The following SEC22A variants were observed in gnomAD, a reference collection of about 807,000 sequenced individuals.
SEC22A encodes SEC22 homolog A, vesicle trafficking protein.
A neutral mutation model predicts 35.3 loss-of-function variants in SEC22A; 22 were observed. That is an observed-to-expected ratio of 0.62 (90% CI 0.45 to 0.89). SEC22A has a LOEUF of 0.89. SEC22A is among the 40% of genes least tolerant of loss of function. The pLI is 0.00. For missense variants in SEC22A, 354 were observed against 362.5 expected, an observed-to-expected ratio of 0.98 and a Z score of 0.19; for synonymous variants, 119 against 129.5, an observed-to-expected ratio of 0.92 and a Z score of 0.55.
intron 6 of SEC22A, among the ~76,000 whole-genome samples, chr3:123,263,676 G>A (rs1306767256): frequency 6.6e-6 from 1 of 151,954 alleles, no homozygotes; most frequent in East Asian, 1.9e-4. Context: ...ACCATGCCTG[G>A]CTAATTTTTG....
chr3:123,226,926 A>G (rs1360937746), intron 4 of SEC22A, among the ~76,000 whole-genome samples: 1 of 152,174 alleles, frequency 6.6e-6, no homozygotes, highest in Non-Finnish European at 1.5e-5. Context: ...CTTTGTAAAC[A>G]TTTTTCTAGA....
intron 6 of SEC22A, among the ~76,000 whole-genome samples, chr3:123,270,006 C>T (rs1938123372): frequency 6.6e-6 from 1 of 152,008 alleles, no homozygotes; most frequent in African/African-American, 2.4e-5. Flanking sequence ...AATACAGAAT[C>T]CCAGATTAGA....
intron 6 of SEC22A, among the ~76,000 whole-genome samples, chr3:123,261,919 A>G (rs977706323): frequency 1.3e-5 from 2 of 152,186 alleles, no homozygotes; most frequent in Non-Finnish European, 2.9e-5. Context: ...TTCGTGGTAG[A>G]GTGGTGTCAC....
intron 4 of SEC22A, among the ~76,000 whole-genome samples, chr3:123,229,826 T>C (rs1937283728): frequency 6.6e-6 from 1 of 151,592 alleles, no homozygotes; most frequent in South Asian, 2.1e-4. Context: ...CGCGCCACTG[T>C]GCTCCAGCCT....
intron 6 of SEC22A, among the ~76,000 whole-genome samples, chr3:123,264,323 A>T (rs1487291822): frequency 1.3e-5 from 2 of 152,248 alleles, no homozygotes; most frequent in Non-Finnish European, 2.9e-5. Flanking sequence ...GTTCTTTGGG[A>T]TAAATGCCTA....
chr3:123,207,611 A>G (rs1279707811), intron 1 of SEC22A, among the ~76,000 whole-genome samples: 7 of 152,222 alleles, frequency 4.6e-5, no homozygotes, highest in Non-Finnish European at 1.0e-4. Flanking sequence ...GCCTTAGACA[A>G]TAAGCAAATT....
Position 123,259,529 on chromosome 3 carries a change from T to C in SEC22A, c.663T>C (p.Asp221=). The part of the protein sequence containing the change: ...FHAIESLLQS[D]GDDFNYIIAF... ...CTTTTATTTTGCTTTTGCAGAGTGA[T>C]GGTGATGATTTTAATTACATCATTG... Residue 221 remains aspartate, a synonymous_variant, in exon 6 of 7, where the codon GAT becomes GAC. Coordinates refer to ENST00000492595, the MANE Select transcript of SEC22A (RefSeq NM_012430.5). 6.2e-7 allele frequency: 1 copy of C among 1,612,080 alleles called. No homozygotes were observed. Among genetic ancestry groups the C allele is most frequent in the Non-Finnish European group, 8.5e-7 (1 of 1,178,480 alleles).
intron 4 of SEC22A, among the ~76,000 whole-genome samples, chr3:123,225,906 T>G (rs1156899663): frequency 6.6e-6 from 1 of 151,624 alleles, no homozygotes; most frequent in Non-Finnish European, 1.5e-5. Flanking sequence ...TGAGTTCAGT[T>G]GTTTTAAACT....
At chr3:123,236,770 C>T (rs149536133) in intron 4 of SEC22A, among the ~76,000 whole-genome samples, 2 of 152,000 alleles carry the variant, frequency 1.3e-5, no homozygotes, top group African/African-American at 4.8e-5. Context: ...TAATTAAGCA[C>T]CTTAAGAGAC....
At chr3:123,251,186 G>A (rs1937609682) in intron 5 of SEC22A, among the ~76,000 whole-genome samples, 1 of 152,166 alleles carries the variant, frequency 6.6e-6, no homozygotes, top group Admixed American at 6.5e-5. Context: ...GAAACTTAAA[G>A]AGATTTTTTT....
chr3:123,208,047 G>T (rs1936878944), intron 1 of SEC22A, among the ~76,000 whole-genome samples: 1 of 151,976 alleles, frequency 6.6e-6, no homozygotes, highest in Non-Finnish European at 1.5e-5. Context: ...TTCTTAATTT[G>T]GCATCTTTTT....
intron 3 of SEC22A, 112 bp from the exon 4 acceptor site, chr3:123,224,991 G>A: frequency 1.5e-6 from 1 of 687,698 alleles, no homozygotes. Context: ...ATGACGAATT[G>A]AACAATTTTG....
At chr3:123,253,576 G>A (rs904100411) in intron 5 of SEC22A, among the ~76,000 whole-genome samples, 67 of 152,148 alleles carry the variant, frequency 4.4e-4, no homozygotes, top group African/African-American at 1.5e-3. Flanking sequence ...ACTGAGCGCG[G>A]TGGCAGGTGC....
intron 4 of SEC22A, among the ~76,000 whole-genome samples, chr3:123,228,917 A>G (rs1020115878): frequency 2.0e-5 from 3 of 152,234 alleles, no homozygotes; most frequent in African/African-American, 7.2e-5. Flanking sequence ...CAGAAGAGTT[A>G]GCAATTTGAA....
intron 3 of SEC22A, among the ~76,000 whole-genome samples, chr3:123,224,783 C>G (rs1937191572): frequency 6.6e-6 from 1 of 150,956 alleles, no homozygotes; most frequent in Non-Finnish European, 1.5e-5. Flanking sequence ...AGAGCAAGAC[C>G]CTGTCTCAAA....
chr3:123,210,262 G>A (rs1936919201), intron 2 of SEC22A, among the ~76,000 whole-genome samples: 1 of 152,220 alleles, frequency 6.6e-6, no homozygotes, highest in African/African-American at 2.4e-5. Context: ...AGGTGGAGGT[G>A]CTGATTGTAA....
intron 3 of SEC22A, among the ~76,000 whole-genome samples, chr3:123,224,427 G>A (rs1937184901): frequency 6.6e-6 from 1 of 152,162 alleles, no homozygotes; most frequent in African/African-American, 2.4e-5. Flanking sequence ...AACTTCTAGT[G>A]TGTGTTCTTA....
At position 123,207,789 on chromosome 3, in the gene SEC22A, C is replaced by T. The variant is rs570437442; in HGVS notation, c.-19-1410C>T. ...GACCTGAGTTCCTTCAGACTCAGGC[C>T]TGTGAAGTCCTTTCATCTGTTTTTG... On this transcript the variant is annotated intron_variant, in intron 1 of 6. Coordinates refer to ENST00000492595, the MANE Select transcript of SEC22A (RefSeq NM_012430.5). 8.5e-5 allele frequency among the ~76,000 whole-genome samples: 13 copies of T among 152,220 alleles called. No individual in the cohort carries two copies. The East Asian group carries it at 1.7e-3, about 20-fold the overall frequency.
chr3:123,246,087 G>A (rs1576497827), intron 5 of SEC22A, 73 bp downstream of exon 5: 13 of 779,478 alleles, frequency 1.7e-5, no homozygotes, highest in Admixed American at 4.1e-5. Flanking sequence ...GATTTGAATT[G>A]GATTGGGTAT....
Sources: allele counts gnomAD v4.1 joint callset (sites outside exome capture counted in the v4.1 genomes callset), GRCh38; gene constraint gnomAD v4.1.1; transcripts MANE v1.5; gene names NCBI Gene and HGNC (gene_info 2026-07-23, HGNC 2026-07-21).